Variants in ACTR3C observed in about 807,000 individuals in gnomAD.
ACTR3C encodes the protein actin related protein 3C, also known as actin-related protein 3C.
A neutral mutation model predicts 26.3 loss-of-function variants in ACTR3C; 18 were observed. That is an observed-to-expected ratio of 0.68 (90% CI 0.47 to 1.01). ACTR3C has a LOEUF of 1.01. Ranked by LOEUF, ACTR3C falls within the 50% of genes least tolerant of loss-of-function variation. ACTR3C has a pLI of 0.00. For missense variants in ACTR3C, 184 were observed against 250.7 expected (o/e 0.73, Z 1.80); for synonymous variants, 55 against 94.5 (o/e 0.58, Z 2.42).
the ACTR3C span, among the ~76,000 whole-genome samples, chr7:150,115,217 G>T: frequency 6.6e-6 from 1 of 152,296 alleles, no homozygotes; most frequent in South Asian, 2.1e-4. Flanking sequence ...ACAAAGTAAA[G>T]AAATAATATG....
the ACTR3C span, among the ~76,000 whole-genome samples, chr7:149,938,455 G>T: frequency 6.6e-6 from 1 of 151,566 alleles, no homozygotes; most frequent in Non-Finnish European, 1.5e-5. Context: ...TTTTAAAAAA[G>T]GAAGAAACAG....
the ACTR3C span, chr7:150,002,205 AG>A: frequency 3.3e-5 from 5 of 152,256 alleles, no homozygotes; most frequent in Non-Finnish European, 7.3e-5. Flanking sequence ...CCCTCAGAGA[AG>A]GTAAGAAATG....
At chr7:150,037,917 C>T in the ACTR3C span, among the ~76,000 whole-genome samples, 5,258 of 134,104 alleles carry the variant, frequency 0.039, 834 homozygotes, top group African/African-American at 0.14. Flanking sequence ...GTCCCCGCGT[C>T]GCGAGGGGTG....
intron 6 of ACTR3C, among the ~76,000 whole-genome samples, 169 bp downstream of exon 6, chr7:150,284,584 G>A (rs1204625744): frequency 6.6e-6 from 1 of 152,024 alleles, no homozygotes; most frequent in African/African-American, 2.4e-5. Flanking sequence ...CTAGTTAACT[G>A]AGTCATATTT....
intron 6 of ACTR3C, among the ~76,000 whole-genome samples, chr7:150,266,156 G>A (rs1222499991): frequency 1.4e-5 from 2 of 146,886 alleles, no homozygotes; most frequent in East Asian, 2.0e-4. Context: ...TATTCAGTAG[G>A]GTATGAAAAT....
the ACTR3C span, among the ~76,000 whole-genome samples, chr7:149,925,535 A>G: frequency 1.3e-5 from 2 of 152,222 alleles, no homozygotes; most frequent in Admixed American, 1.3e-4. Flanking sequence ...ACACAACACA[A>G]TACAAAATCC....
At chr7:149,942,455 G>GTAT in the ACTR3C span, among the ~76,000 whole-genome samples, 1 of 152,260 alleles carries the variant, frequency 6.6e-6, no homozygotes, top group Non-Finnish European at 1.5e-5. Context: ...TTTACTGAAA[G>GTAT]CATCAGTTTG....
the ACTR3C span, among the ~76,000 whole-genome samples, chr7:149,991,209 A>T: frequency 1.4e-4 from 22 of 152,130 alleles, no homozygotes; most frequent in African/African-American, 3.9e-4. Flanking sequence ...TTCATTCTCA[A>T]GAGAACAACA....
At chr7:150,006,686 C>T in the ACTR3C span, among the ~76,000 whole-genome samples, 46 of 151,794 alleles carry the variant, frequency 3.0e-4, no homozygotes, top group East Asian at 3.1e-3. Flanking sequence ...CTCAGCTCAA[C>T]GGACCAGAAG....
the ACTR3C span, among the ~76,000 whole-genome samples, chr7:150,054,221 T>C: frequency 1.2e-4 from 19 of 152,328 alleles, no homozygotes; most frequent in African/African-American, 3.8e-4. Context: ...GAGTTCTAAA[T>C]GGAATAAGCC....
At chr7:150,112,669 G>A in the ACTR3C span, among the ~76,000 whole-genome samples, 2 of 152,198 alleles carry the variant, frequency 1.3e-5, no homozygotes, top group East Asian at 1.9e-4. Context: ...AAAAAAGGAG[G>A]AGGACAGCCA....
the ACTR3C span, among the ~76,000 whole-genome samples, chr7:150,071,375 C>T: frequency 6.6e-6 from 1 of 150,858 alleles, no homozygotes; most frequent in South Asian, 2.1e-4. Flanking sequence ...CCACCCGCCT[C>T]AGCCTCCCAA....
chr7:150,019,599 A>AAT, the ACTR3C span, among the ~76,000 whole-genome samples: 183 of 109,808 alleles, frequency 1.7e-3, 2 homozygotes, highest in Non-Finnish European at 2.6e-3. Flanking sequence ...TCAAAAATAA[A>AAT]AATAATAATA....
At chr7:150,292,143 A>G (rs1836316872) in intron 3 of ACTR3C, among the ~76,000 whole-genome samples, 1 of 150,640 alleles carries the variant, frequency 6.6e-6, no homozygotes, top group South Asian at 2.1e-4. Flanking sequence ...TTGCATTTTA[A>G]AAGAGCTGTG....
At chr7:150,300,609 AC>A (rs1434179971) in intron 1 of ACTR3C, among the ~76,000 whole-genome samples, 1 of 150,634 alleles carries the variant, frequency 6.6e-6, no homozygotes, top group African/African-American at 2.4e-5. Flanking sequence ...GGCACTTTAA[AC>A]TCTGGCACAG....
the ACTR3C span, among the ~76,000 whole-genome samples, chr7:150,088,449 G>A: frequency 2.6e-4 from 39 of 152,204 alleles, no homozygotes; most frequent in African/African-American, 9.1e-4. Flanking sequence ...ATGAAAGACA[G>A]CAAAAAGGAA....
the ACTR3C span, among the ~76,000 whole-genome samples, chr7:150,132,367 G>C: frequency 1.3e-5 from 2 of 151,924 alleles, no homozygotes; most frequent in Admixed American, 1.3e-4. Context: ...TTCACAAAAG[G>C]TCTGATATCC....
At chr7:150,142,601 T>C in the ACTR3C span, among the ~76,000 whole-genome samples, 1 of 152,124 alleles carries the variant, frequency 6.6e-6, no homozygotes, top group African/African-American at 2.4e-5. Flanking sequence ...TGATCTCAGC[T>C]CACTGCAACC....
the ACTR3C span, among the ~76,000 whole-genome samples, chr7:149,987,634 GCTC>G: frequency 2.1e-5 from 3 of 140,030 alleles, no homozygotes; most frequent in Non-Finnish European, 3.2e-5. Flanking sequence ...ATTTTCATAT[GCTC>G]CTCATTAAAA....
Sources: gnomAD v4.1 joint callset for allele counts (sites outside exome capture counted in the v4.1 genomes callset) on GRCh38, gnomAD v4.1.1 for gene constraint, MANE v1.5 for transcripts, NCBI Gene and HGNC (gene_info 2026-07-23, HGNC 2026-07-21) for gene names.